Variants in INVS observed in about 807,000 individuals in gnomAD.
INVS encodes the protein inversion of embryo turning homolog.
In INVS, 86 loss-of-function variants were observed where a neutral mutation model predicts 108.8. The observed-to-expected ratio is 0.79, with a 90% CI of 0.66 to 0.95. The LOEUF (loss-of-function observed/expected upper bound fraction) is 0.95, where lower values mean the gene tolerates loss of function less well. Among genes scored for constraint, INVS ranks in the 40% least tolerant of loss-of-function variants. INVS has a pLI of 0.00. For missense variants in INVS, 1,169 were observed against 1,297.4 expected, an observed-to-expected ratio of 0.90 and a Z score of 1.52; for synonymous variants, 455 against 473.5, an observed-to-expected ratio of 0.96 and a Z score of 0.51.
chr9:100,127,245 G>A (rs930757296), intron 3 of INVS, among the ~76,000 whole-genome samples: 3 of 151,836 alleles, frequency 2.0e-5, no homozygotes, highest in Non-Finnish European at 4.4e-5. Context: ...TTGAAATGTC[G>A]CTTGAAATAT....
At chr9:100,166,953 T>G (rs377003644) in intron 3 of INVS, among the ~76,000 whole-genome samples, 38 of 152,294 alleles carry the variant, frequency 2.5e-4, no homozygotes, top group African/African-American at 9.1e-4. Context: ...TTTAAAGGAT[T>G]TTCCAGTTGA....
At chr9:100,177,108 TC>T (rs1327678139) in intron 3 of INVS, among the ~76,000 whole-genome samples, 1 of 152,054 alleles carries the variant, frequency 6.6e-6, no homozygotes, top group African/African-American at 2.4e-5. Context: ...ACTACGCTTT[TC>T]CCACAATCTT....
chr9:100,160,423 T>A (rs948201843), intron 3 of INVS, among the ~76,000 whole-genome samples: 1 of 152,242 alleles, frequency 6.6e-6, no homozygotes, highest in African/African-American at 2.4e-5. Context: ...TAATTGACTG[T>A]CTTCCCAAAC....
intron 3 of INVS, among the ~76,000 whole-genome samples, chr9:100,162,116 G>A (rs1000772523): frequency 1.7e-4 from 26 of 152,088 alleles, no homozygotes; most frequent in Non-Finnish European, 3.2e-4. Flanking sequence ...AATAAGTAAC[G>A]GGCTGGTAGC....
chr9:100,135,939 A>T (rs1252424524), intron 3 of INVS, among the ~76,000 whole-genome samples: 1 of 151,998 alleles, frequency 6.6e-6, no homozygotes, highest in Non-Finnish European at 1.5e-5. Flanking sequence ...ACAAGATAGG[A>T]GAAGAACTAG....
chr9:100,209,774 A>C (rs1830780975), intron 3 of INVS, among the ~76,000 whole-genome samples: 3 of 102,852 alleles, frequency 2.9e-5, no homozygotes, highest in South Asian at 2.3e-4. Flanking sequence ...CGTCTCAAAA[A>C]AAAAAAAAAA....
chr9:100,145,075 G>A (rs1374557262), intron 3 of INVS, among the ~76,000 whole-genome samples: 1 of 152,246 alleles, frequency 6.6e-6, no homozygotes, highest in African/African-American at 2.4e-5. Context: ...CATTGTAGAA[G>A]AAAATAAGTT....
At chr9:100,225,218 C>A (rs539235321) in intron 3 of INVS, among the ~76,000 whole-genome samples, 17 of 151,066 alleles carry the variant, frequency 1.1e-4, no homozygotes. Flanking sequence ...CCACCACGCC[C>A]GGCTAATTTT....
chr9:100,294,305 C>T (rs765569479), intron 14 of INVS, among the ~76,000 whole-genome samples: 8 of 152,158 alleles, frequency 5.3e-5, no homozygotes, highest in Non-Finnish European at 1.2e-4. Context: ...AAAAGGAAGA[C>T]GTTCTCTCCT....
At chr9:100,231,325 GTTA>G (rs982474426) in intron 5 of INVS, among the ~76,000 whole-genome samples, 1 of 151,774 alleles carries the variant, frequency 6.6e-6, no homozygotes, top group African/African-American at 2.4e-5. Context: ...TCCTTCTAAA[GTTA>G]TTATTTTACA....
intron 3 of INVS, chr9:100,129,910 G>A: frequency 2.2e-6 from 1 of 454,694 alleles, no homozygotes; most frequent in Non-Finnish European, 4.0e-6. Flanking sequence ...TCCTGGAGAG[G>A]AGGGAATTGC....
intron 10 of INVS, among the ~76,000 whole-genome samples, chr9:100,259,249 C>T (rs554074892): frequency 6.6e-6 from 1 of 152,262 alleles, no homozygotes; most frequent in Non-Finnish European, 1.5e-5. Context: ...CCTGGTGTGC[C>T]GTCTGCTAAA....
intron 3 of INVS, among the ~76,000 whole-genome samples, chr9:100,148,020 CAAAAAA>C (rs551874913): frequency 0.37 from 29,435 of 78,966 alleles, 5,055 homozygotes; most frequent in African/African-American, 0.59. Flanking sequence ...CCTGTCTCTA[CAAAAAA>C]AAAAAAAAAA....
intron 12 of INVS, 72 bp from the exon 13 acceptor site, chr9:100,284,248 A>G (rs1336728040): frequency 1.3e-6 from 2 of 1,570,992 alleles, no homozygotes; most frequent in Non-Finnish European, 1.7e-6. Context: ...CTTAAAATTT[A>G]AACTCACACA....
intron 3 of INVS, among the ~76,000 whole-genome samples, chr9:100,214,723 A>G (rs2118325998): frequency 6.6e-6 from 1 of 152,344 alleles, no homozygotes; most frequent in Admixed American, 6.5e-5. Flanking sequence ...TGCCCATGTG[A>G]ATTTTTCTGT....
At chr9:100,152,231 T>G (rs1828829994) in intron 3 of INVS, among the ~76,000 whole-genome samples, 1 of 152,180 alleles carries the variant, frequency 6.6e-6, no homozygotes, top group South Asian at 2.1e-4. Context: ...GTCATCTTAT[T>G]TCCAATATCT....
chr9:100,212,363 A>G (rs150231093), intron 3 of INVS, among the ~76,000 whole-genome samples: 2 of 152,216 alleles, frequency 1.3e-5, no homozygotes, highest in African/African-American at 4.8e-5. Context: ...ATATTCTTTG[A>G]TTTATGTCAG....
intron 7 of INVS, among the ~76,000 whole-genome samples, chr9:100,244,140 G>T (rs1831969064): frequency 6.6e-6 from 1 of 151,904 alleles, no homozygotes; most frequent in Non-Finnish European, 1.5e-5. Flanking sequence ...TCCTACTCTG[G>T]TATCCAGAAC....
At chr9:100,126,319 T>C (rs1827882262) in intron 2 of INVS, 64 bp from the exon 3 acceptor site, 1 of 1,283,568 alleles carries the variant, frequency 7.8e-7, no homozygotes, top group African/African-American at 1.5e-5. Flanking sequence ...ACAGCGAATA[T>C]AGTTCCTACT....
Sources: allele counts gnomAD v4.1 joint callset (sites outside exome capture counted in the v4.1 genomes callset), GRCh38; gene constraint gnomAD v4.1.1; transcripts MANE v1.5; gene names NCBI Gene and HGNC (gene_info 2026-07-23, HGNC 2026-07-21).